The following MED13L variants were observed in gnomAD, a reference collection of about 807,000 sequenced individuals.
The protein encoded by MED13L is mediator of RNA polymerase II transcription subunit 13-like.
In MED13L, 7 loss-of-function variants were observed where a neutral mutation model predicts 220.9. The ratio of observed to expected loss-of-function variants is 0.03; its 90% CI spans 0.02 to 0.06. The LOEUF is 0.06. Ranked by LOEUF, MED13L falls within the 10% of genes least tolerant of loss-of-function variation. The pLI is 1.00. For synonymous variants in MED13L, 1,011 were observed against 1,015.2 expected (o/e 1.00, Z 0.08); for missense variants, 1,965 against 2,760.5 (o/e 0.71, Z 6.46).
chr12:116,105,645 T>A (rs1291980839), intron 3 of MED13L, among the ~76,000 whole-genome samples: 1 of 152,186 alleles, frequency 6.6e-6, no homozygotes. Flanking sequence ...TTCAGAAACA[T>A]ATCTGTTTCA....
intron 14 of MED13L, among the ~76,000 whole-genome samples, chr12:116,002,785 A>T (rs1472430607): frequency 3.9e-5 from 6 of 152,342 alleles, no homozygotes; most frequent in South Asian, 2.1e-4. Flanking sequence ...TCTTAACTGG[A>T]AAACAAAGGA....
At chr12:116,249,292 C>A (rs1018606900) in intron 1 of MED13L, among the ~76,000 whole-genome samples, 3 of 152,140 alleles carry the variant, frequency 2.0e-5, no homozygotes, top group Non-Finnish European at 4.4e-5. Context: ...TCTATTCTAA[C>A]CCAAGCTAAT....
chr12:116,093,214 T>C (rs1457379868), intron 4 of MED13L, among the ~76,000 whole-genome samples: 2 of 152,132 alleles, frequency 1.3e-5, no homozygotes, highest in Non-Finnish European at 2.9e-5. Context: ...ACCTAGACCT[T>C]AGAAAACAGA....
chr12:116,019,202 G>T (rs754222975), intron 7 of MED13L, 22 bp downstream of exon 7: 81 of 1,608,038 alleles, frequency 5.0e-5, no homozygotes, highest in Non-Finnish European at 6.4e-5. Flanking sequence ...TTCTCCCCAG[G>T]ACACTCCTGG....
chr12:115,971,410 C>T (rs1876574520), intron 26 of MED13L, among the ~76,000 whole-genome samples: 1 of 152,168 alleles, frequency 6.6e-6, no homozygotes, highest in African/African-American at 2.4e-5. Flanking sequence ...ATACTGTTGA[C>T]TTTTATAAGG....
At chr12:116,005,151 A>C in intron 13 of MED13L, among the ~76,000 whole-genome samples, 1 of 152,192 alleles carries the variant, frequency 6.6e-6, no homozygotes, top group East Asian at 1.9e-4. Flanking sequence ...AAGTGAATGA[A>C]TGAAAGAAAA....
intron 14 of MED13L, among the ~76,000 whole-genome samples, chr12:116,000,214 G>T (rs1460052520): frequency 1.3e-5 from 2 of 152,166 alleles, no homozygotes; most frequent in African/African-American, 4.8e-5. Flanking sequence ...AAGGGAATCG[G>T]ACTCAAAGTG....
intron 1 of MED13L, among the ~76,000 whole-genome samples, chr12:116,260,212 C>G (rs1872404056): frequency 6.6e-6 from 1 of 152,178 alleles, no homozygotes; most frequent in South Asian, 2.1e-4. Context: ...AAGTGAAAAA[C>G]CTCCCCACAT....
intron 23 of MED13L, among the ~76,000 whole-genome samples, chr12:115,976,553 T>G (rs1876952266): frequency 6.6e-6 from 1 of 152,222 alleles, no homozygotes; most frequent in Non-Finnish European, 1.5e-5. Context: ...CTTGCACTTG[T>G]TAAATGATAT....
chr12:116,059,330 G>T (rs1256187838), intron 4 of MED13L, among the ~76,000 whole-genome samples: 1 of 152,000 alleles, frequency 6.6e-6, no homozygotes, highest in Non-Finnish European at 1.5e-5. Flanking sequence ...AAAGTTTTGA[G>T]ATTACAGGCA....
intron 1 of MED13L, among the ~76,000 whole-genome samples, chr12:116,254,251 G>GA (rs1157767502): frequency 6.6e-6 from 1 of 151,828 alleles, no homozygotes; most frequent in Non-Finnish European, 1.5e-5. Flanking sequence ...AATGAAGCAA[G>GA]AAAAAGTAGT....
At chr12:116,140,406 T>C (rs1876964149) in intron 2 of MED13L, among the ~76,000 whole-genome samples, 1 of 152,198 alleles carries the variant, frequency 6.6e-6, no homozygotes, top group Admixed American at 6.5e-5. Context: ...TCATTACCAG[T>C]GTTACTGTTT....
At chr12:116,230,495 G>A (rs1348085442) in intron 2 of MED13L, 1 of 984,042 alleles carries the variant, frequency 1.0e-6, no homozygotes, top group East Asian at 1.1e-4. Context: ...CTGCAAAATG[G>A]TATCATTCAT....
rs566576914 is a variant in MED13L at position 116,123,575 on chromosome 12, C to T, written c.311-12063G>A. On this transcript the variant is annotated intron_variant, in intron 2 of 30. Transcript: ENST00000281928. Reference sequence around the variant, plus strand: ...TTTGAATAAAAAACACACGCACATGCACACACACGTGCACACAGAAGCTTG... The same window carrying T: ...TTTGAATAAAAAACACACGCACATGTACACACACGTGCACACAGAAGCTTG... 7.2e-5 allele frequency among the ~76,000 whole-genome samples: 11 copies of T among 152,254 alleles called. No homozygotes were observed. In the South Asian group the frequency reaches 2.3e-3, roughly 32 times the overall value.
intron 2 of MED13L, among the ~76,000 whole-genome samples, chr12:116,191,103 A>G (rs188808332): frequency 0.022 from 3,295 of 151,046 alleles, 64 homozygotes; most frequent in Middle Eastern, 0.054. Context: ...AAAAAAAAAA[A>G]AAAAGAAAAG....
chr12:116,082,243 C>T (rs893824145), intron 4 of MED13L, among the ~76,000 whole-genome samples: 3 of 152,196 alleles, frequency 2.0e-5, no homozygotes, highest in South Asian at 4.1e-4. Flanking sequence ...TCATTTCAAG[C>T]TACAGAAGTG....
intron 9 of MED13L, among the ~76,000 whole-genome samples, chr12:116,012,359 G>C (rs1381103942): frequency 6.6e-6 from 1 of 152,198 alleles, no homozygotes; most frequent in Non-Finnish European, 1.5e-5. Flanking sequence ...TTTAGCAGTT[G>C]TGACCAAATA....
intron 2 of MED13L, among the ~76,000 whole-genome samples, chr12:116,181,922 C>A (rs1880559368): frequency 6.6e-6 from 1 of 152,180 alleles, no homozygotes; most frequent in Admixed American, 6.5e-5. Flanking sequence ...AATCTCACAA[C>A]AAAATTTTCT....
At chr12:116,005,485 T>C (rs1878992952) in intron 13 of MED13L, among the ~76,000 whole-genome samples, 1 of 152,204 alleles carries the variant, frequency 6.6e-6, no homozygotes, top group South Asian at 2.1e-4. Context: ...TAAAAAGTTA[T>C]GTGGGCATTA....
Sources: gnomAD v4.1 joint callset for allele counts (sites outside exome capture counted in the v4.1 genomes callset) on GRCh38, gnomAD v4.1.1 for gene constraint, MANE v1.5 for transcripts, NCBI Gene and HGNC (gene_info 2026-07-23, HGNC 2026-07-21) for gene names.